KCNH7: variants seen among roughly 807,000 people sequenced by gnomAD.
The protein encoded by KCNH7 is potassium voltage-gated channel subfamily H member 7.
Under a neutral mutation model 120.8 loss-of-function variants are expected in KCNH7, and 49 were observed. That is an observed-to-expected ratio of 0.41 (90% CI 0.32 to 0.51). The LOEUF (loss-of-function observed/expected upper bound fraction) is 0.51, where lower values mean the gene tolerates loss of function less well. Among genes scored for constraint, KCNH7 ranks in the 20% least tolerant of loss-of-function variants. KCNH7 has a pLI of 0.38. For missense variants in KCNH7, 1,097 were observed against 1,446.6 expected (o/e 0.76, Z 3.92); for synonymous variants, 547 against 516.1 (o/e 1.06, Z -0.81).
At chr2:162,717,325 G>T (rs1687159599) in intron 2 of KCNH7, among the ~76,000 whole-genome samples, 1 of 152,042 alleles carries the variant, frequency 6.6e-6, no homozygotes, top group Non-Finnish European at 1.5e-5. Context: ...CCAAAACATG[G>T]AGAGGTTAGG....
intron 9 of KCNH7, among the ~76,000 whole-genome samples, chr2:162,404,075 G>T (rs1687138350): frequency 6.6e-6 from 1 of 151,720 alleles, no homozygotes; most frequent in African/African-American, 2.4e-5. Context: ...CTCTGACATA[G>T]GACCTCCTCA....
chr2:162,572,813 C>T (rs551997879), intron 2 of KCNH7, among the ~76,000 whole-genome samples: 11 of 149,940 alleles, frequency 7.3e-5, no homozygotes, highest in East Asian at 4.0e-4. Flanking sequence ...AACCAAACAC[C>T]GCATATTCTC....
At chr2:162,598,459 A>G (rs1694449130) in intron 2 of KCNH7, among the ~76,000 whole-genome samples, 1 of 151,826 alleles carries the variant, frequency 6.6e-6, no homozygotes, top group Admixed American at 6.6e-5. Flanking sequence ...ATATGTGGCC[A>G]AAAAAAATCC....
chr2:162,762,527 G>A (rs1230618957), intron 2 of KCNH7, among the ~76,000 whole-genome samples: 1 of 151,896 alleles, frequency 6.6e-6, no homozygotes, highest in Non-Finnish European at 1.5e-5. Flanking sequence ...CCACCCTATG[G>A]CACAAACTTT....
intron 2 of KCNH7, among the ~76,000 whole-genome samples, chr2:162,778,936 G>A (rs1020202680): frequency 2.1e-5 from 3 of 142,050 alleles, no homozygotes; most frequent in East Asian, 2.0e-4. Flanking sequence ...TTAGTGGAGA[G>A]GAACAAATTC....
At chr2:162,428,110 C>T (rs2105502803) in intron 8 of KCNH7, among the ~76,000 whole-genome samples, 1 of 151,802 alleles carries the variant, frequency 6.6e-6, no homozygotes, top group Middle Eastern at 3.4e-3. Context: ...GATTTTAGAT[C>T]TCCTTTTTAA....
At chr2:162,645,070 G>C (rs1175348031) in intron 2 of KCNH7, among the ~76,000 whole-genome samples, 1 of 152,086 alleles carries the variant, frequency 6.6e-6, no homozygotes, top group Non-Finnish European at 1.5e-5. Flanking sequence ...CAAAATCAGT[G>C]TATGTTTGAG....
chr2:162,795,294 G>C (rs983372436), intron 2 of KCNH7: 3 of 152,088 alleles, frequency 2.0e-5, no homozygotes, highest in Non-Finnish European at 2.9e-5. Context: ...CTTTCAGGGA[G>C]TGTTATGGTG....
chr2:162,509,531 A>G (rs1330676421), intron 5 of KCNH7, among the ~76,000 whole-genome samples: 1 of 151,690 alleles, frequency 6.6e-6, no homozygotes, highest in African/African-American at 2.4e-5. Flanking sequence ...ACTTTGTAAA[A>G]GAACACTATC....
Position 162,771,573 on chromosome 2 carries a change from T to C in KCNH7, c.307+64964A>G, listed in dbSNP as rs568992519. Reference sequence around the variant, plus strand: ...GCCTCTACTAGATTTTTTGGTATGTTATTTATTTAATTTAGAATTACTATA... The same window carrying C: ...GCCTCTACTAGATTTTTTGGTATGTCATTTATTTAATTTAGAATTACTATA... On this transcript the variant is annotated intron_variant, in intron 2 of 15. Transcript: ENST00000332142. Among the ~76,000 whole-genome samples the C allele has an allele frequency of 7.2e-5, 11 of 152,292 alleles. No homozygotes were observed. The South Asian group carries it at 2.3e-3, about 32-fold the overall frequency.
chr2:162,547,418 G>A (rs917201326), intron 2 of KCNH7, among the ~76,000 whole-genome samples: 1 of 152,176 alleles, frequency 6.6e-6, no homozygotes, highest in Admixed American at 6.5e-5. Context: ...TGAGTGGTGT[G>A]TGGCCCTTTC....
rs141340604 is a variant in KCNH7 at position 162,638,429 on chromosome 2, A to G, written c.308-101349T>C. 3.1e-3 allele frequency among the ~76,000 whole-genome samples: 478 copies of G among 152,224 alleles called. 1 individual carries two copies. Among genetic ancestry groups the G allele is most frequent in the African/African-American group, 0.011 (458 of 41,562 alleles). On this transcript the variant is annotated intron_variant, in intron 2 of 15. Transcript: ENST00000332142. ...CAGAAAATATTAATGGCTTAGGGTT[A>G]CAACAAATTAAATTTCTGCATTTTG... is the stretch of plus-strand genomic sequence containing the variant.
chr2:162,772,634 T>C (rs1683097413), intron 2 of KCNH7, among the ~76,000 whole-genome samples: 1 of 152,202 alleles, frequency 6.6e-6, no homozygotes, highest in African/African-American at 2.4e-5. Context: ...CACATCAATC[T>C]ATTTTAAACT....
At chr2:162,832,939 T>C (rs1685529750) in intron 2 of KCNH7, among the ~76,000 whole-genome samples, 1 of 152,140 alleles carries the variant, frequency 6.6e-6, no homozygotes, top group African/African-American at 2.4e-5. Flanking sequence ...TCTTCAGTTC[T>C]TTAAAAGCAG....
chr2:162,567,441 T>C (rs1433421399), intron 2 of KCNH7, among the ~76,000 whole-genome samples: 1 of 151,974 alleles, frequency 6.6e-6, no homozygotes, highest in Non-Finnish European at 1.5e-5. Flanking sequence ...CATGTTGATT[T>C]TCTGTACCCT....
intron 6 of KCNH7, among the ~76,000 whole-genome samples, chr2:162,481,011 C>T (rs1689912165): frequency 6.6e-6 from 1 of 152,158 alleles, no homozygotes; most frequent in South Asian, 2.1e-4. Flanking sequence ...ACCCAGCTGA[C>T]ATCCTTCTGG....
rs779594677 is a variant in KCNH7 at position 162,504,476 on chromosome 2, A to C, written c.1095T>G (p.Asp365Glu). Reference protein sequence around the residue: ...DKTIIAPKVKDRTHNVTEKVT... With the variant: ...DKTIIAPKVKERTHNVTEKVT... The stretch of plus-strand genomic sequence containing the variant: ...CTTTCTCAGTCACATTGTGTGTTCG[A>C]TCTTTAACCTTGGGTGCAATAATGG... The change falls in exon 6 of 16, where the codon GAT (aspartate) becomes GAG (glutamate). Residue 365 changes from aspartate to glutamate, a missense_variant. Physicochemically the swap from Asp to Glu is conservative, Grantham distance 45 (BLOSUM62 2). Transcript: ENST00000332142. 1 of 1,613,028 alleles carries C rather than the reference A, an allele frequency of 6.2e-7. No individual in the cohort carries two copies. The highest frequency in any genetic ancestry group is 1.7e-5 in the Admixed American group (1 of 59,954).
intron 8 of KCNH7, among the ~76,000 whole-genome samples, chr2:162,434,182 G>A (rs558017824): frequency 3.3e-5 from 5 of 152,118 alleles, no homozygotes; most frequent in South Asian, 4.1e-4. Flanking sequence ...TAAGCATTAC[G>A]TACGCATGGA....
At chr2:162,808,213 A>G (rs971434140) in intron 2 of KCNH7, among the ~76,000 whole-genome samples, 9 of 152,130 alleles carry the variant, frequency 5.9e-5, no homozygotes, top group Non-Finnish European at 1.2e-4. Context: ...GTTACACTGT[A>G]TTTTTCAATT....
Sources: gnomAD v4.1 joint callset for allele counts (sites outside exome capture counted in the v4.1 genomes callset) on GRCh38, gnomAD v4.1.1 for gene constraint, MANE v1.5 for transcripts, NCBI Gene and HGNC (gene_info 2026-07-23, HGNC 2026-07-21) for gene names.